PCDHGA11: variants seen among roughly 807,000 people sequenced by gnomAD.
The protein encoded by PCDHGA11 is protocadherin gamma subfamily A, 11.
Under a neutral mutation model 60.4 loss-of-function variants are expected in PCDHGA11, and 39 were observed. The ratio of observed to expected loss-of-function variants is 0.65; its 90% confidence interval spans 0.50 to 0.84. The LOEUF is 0.84. Among genes scored for constraint, PCDHGA11 ranks in the 40% least tolerant of loss-of-function variants. The pLI, the probability that PCDHGA11 is intolerant of heterozygous loss-of-function variation, is 0.00. For missense variants in PCDHGA11, 1,165 were observed against 1,197.7 expected (o/e 0.97, Z 0.40); for synonymous variants, 533 against 510.3 (o/e 1.04, Z -0.60).
chr5:141,430,885 C>G, intron 1 of PCDHGA11: 1 of 1,605,218 alleles, frequency 6.2e-7, no homozygotes, highest in Non-Finnish European at 8.5e-7. Context: ...TGGAGAAAGG[C>G]TCTAGGGTGG....
intron 1 of PCDHGA11, among the ~76,000 whole-genome samples, chr5:141,449,525 G>T (rs2098641561): frequency 6.7e-6 from 1 of 148,580 alleles, no homozygotes; most frequent in South Asian, 2.1e-4. Flanking sequence ...GGAGGCGGAG[G>T]TTGCAGTGAG....
At position 141,505,394 on chromosome 5, in the gene PCDHGA11, T is replaced by C; in HGVS notation, c.2494T>C (p.Ser832Pro). 6.2e-7 allele frequency: 1 copy of C among 1,614,110 alleles called. No homozygotes were observed. The highest frequency in any genetic ancestry group is 8.5e-7 in the Non-Finnish European group (1 of 1,180,002). The part of the protein sequence containing the change: ...SQAQRPGTSG[S>P]QNGDDTGTWP... ...CTCACCATCCTACTCTCTCCCCAGC[T>C]CCCAAAATGGCGATGACACCGGCAC... Residue 832 changes from serine (S) to proline (P), a missense_variant and splice_region_variant, in exon 3 of 4, where the codon TCC becomes CCC. By Grantham distance (74) the Ser-to-Pro change is moderately conservative. Coordinates refer to ENST00000398587, the MANE Select transcript of PCDHGA11 (RefSeq NM_018914.3).
chr5:141,423,389 A>G lies in PCDHGA11; in HGVS notation c.2162A>G (p.His721Arg), dbSNP rs568843632. 2.5e-6 allele frequency: 4 copies of G among 1,614,160 alleles called. No individual in the cohort carries two copies. The highest frequency in any genetic ancestry group is 1.7e-5 in the Admixed American group (1 of 60,032). Residue 721 changes from histidine to arginine, a missense_variant, in exon 1 of 4, where the codon CAT (histidine) becomes CGT (arginine). Coordinates refer to ENST00000398587, the MANE Select transcript of PCDHGA11 (RefSeq NM_018914.3). ...CTGGCACTCAGGCTGTGGCGCTGGC[A>G]TAAGTCACGCCTGCTGCAGGCTTCT... ...VLLALRLWRW[H>R]KSRLLQASEG... is the part of the protein sequence containing the mutation.
At position 141,476,789 on chromosome 5, in the gene PCDHGA11, T is replaced by C; in HGVS notation, c.2434-18018T>C. ...GTTGGACGGAGGGACCCCAGCTCTC[T>C]CCGCCAGCCTGCCTATTCACATCAA... On this transcript the variant is annotated intron_variant, in intron 1 of 3. Transcript: ENST00000398587. The surrounding 1 kb of genome is among the most constrained non-coding windows in gnomAD (Gnocchi z 7.6). 1.2e-6 allele frequency: 2 copies of C among 1,613,374 alleles called. No individual in the cohort carries two copies. The highest frequency in any genetic ancestry group is 4.5e-5 in the East Asian group (2 of 44,864).
intron 2 of PCDHGA11, among the ~76,000 whole-genome samples, chr5:141,496,125 T>C (rs1318749514): frequency 6.8e-6 from 1 of 146,032 alleles, no homozygotes; most frequent in Non-Finnish European, 1.5e-5. Context: ...TCCCTGCCCC[T>C]CACACACTGA....
In PCDHGA11 at chr5:141,512,243, C is replaced by T. The variant is rs1205585993; in HGVS notation, c.*1070C>T. ...AGGTCCCCTTGAGAGGTCAGAGGGG[C>T]CTCTGTGGGTGCTGGGTACTCCAGA... On this transcript the variant is annotated 3_prime_UTR_variant, in exon 4 of 4. Transcript: ENST00000398587. 2 of 152,728 alleles carry T rather than the reference C, an allele frequency of 1.3e-5. No homozygotes were observed. The highest frequency in any genetic ancestry group is 1.5e-5 in the Non-Finnish European group (1 of 68,138). 9.5% of individuals were successfully genotyped at this position (152,728 alleles called of 1,614,324 possible).
In PCDHGA11 at chr5:141,423,288, C is replaced by T; in HGVS notation, c.2061C>T (p.Thr687=). The change falls in exon 1 of 4, where the codon ACC becomes ACT. Residue 687 remains threonine (T), a synonymous_variant. Coordinates refer to ENST00000398587, the MANE Select transcript of PCDHGA11 (RefSeq NM_018914.3). ...GSLESLANSE[T]SDLSLYLVVA... is the part of the protein sequence containing the mutation. ...TCGAGTCTCTGGCTAACTCTGAAAC[C>T]TCAGACCTCTCGCTGTACTTGGTGG... 1 of 1,586,414 alleles carries T rather than the reference C, an allele frequency of 6.3e-7. No individual in the cohort carries two copies. Among genetic ancestry groups the T allele is most frequent in the African/African-American group, 1.3e-5 (1 of 74,864 alleles).
chr5:141,485,193 G>T lies in PCDHGA11; in HGVS notation c.2434-9614G>T. The T allele has an allele frequency of 6.2e-7, 1 of 1,613,988 alleles. No homozygotes were observed. Among genetic ancestry groups the T allele is most frequent in the Non-Finnish European group, 8.5e-7 (1 of 1,179,852 alleles). The stretch of plus-strand genomic sequence containing the variant: ...GCAGCAATGCTCCGCAAGGTGAGAA[G>T]CTGGACAGAAATCTGGCGGTGGGCT... On this transcript the variant is annotated intron_variant, in intron 1 of 3. Transcript: ENST00000398587. The surrounding 1 kb of genome is among the most constrained non-coding windows in gnomAD (Gnocchi z 5.7).
intron 1 of PCDHGA11, among the ~76,000 whole-genome samples, chr5:141,433,837 C>CA (rs56191208): frequency 0.14 from 15,134 of 111,544 alleles, 1,164 homozygotes; most frequent in African/African-American, 0.25. Context: ...AACTCTATCT[C>CA]AAAAAAAAAA....
Position 141,491,244 on chromosome 5 carries a change from T to A in PCDHGA11, c.2434-3563T>A. 1 of 1,614,210 alleles carries A rather than the reference T, an allele frequency of 6.2e-7. No individual in the cohort carries two copies. Among genetic ancestry groups the A allele is most frequent in the Non-Finnish European group, 8.5e-7 (1 of 1,180,024 alleles). On this transcript the variant is annotated intron_variant, in intron 1 of 3. Coordinates refer to ENST00000398587, the MANE Select transcript of PCDHGA11 (RefSeq NM_018914.3). This position sits in a 1 kb window ranked among gnomAD's most constrained non-coding sequence, Gnocchi z 6.9. ...CCACAGTGCTGCTGGTTCTGGAGGA[T>A]GAGGACCCTGAGGAAATGCCCAAAT...
chr5:141,470,123 C>T (rs368463710), intron 1 of PCDHGA11, among the ~76,000 whole-genome samples: 11 of 151,234 alleles, frequency 7.3e-5, no homozygotes, highest in Admixed American at 3.3e-4. Flanking sequence ...AGCAAGACTT[C>T]GTCTCAAAAA....
intron 1 of PCDHGA11, chr5:141,475,816 C>A (rs1051857446): frequency 1.5e-5 from 5 of 342,872 alleles, no homozygotes; most frequent in Admixed American, 9.0e-5. Context: ...AGTGAAGTTC[C>A]TGGCGCTAGC....
rs1303001624 is a variant in PCDHGA11, at chr5:141,422,464, A to G, written c.1237A>G (p.Arg413Gly). The G allele has an allele frequency of 6.2e-7, 1 of 1,613,502 alleles. No individual in the cohort carries two copies. Among genetic ancestry groups the G allele is most frequent in the Admixed American group, 1.7e-5 (1 of 59,908 alleles). The change falls in exon 1 of 4, where the codon AGG becomes GGG. Residue 413 changes from arginine to glycine, a missense_variant. Coordinates refer to ENST00000398587, the MANE Select transcript of PCDHGA11 (RefSeq NM_018914.3). ...YKLITSRVLDRELVQSYNITL... is the reference protein window; with the variant it reads ...YKLITSRVLDGELVQSYNITL... The stretch of plus-strand genomic sequence containing the variant: ...ATTGATAACAAGCAGAGTGCTGGAC[A>G]GGGAGTTGGTCCAGAGCTACAATAT...
In PCDHGA11 at chr5:141,493,026, C is replaced by T. The variant is rs73280358; in HGVS notation, c.2434-1781C>T. 6.6e-6 allele frequency among the ~76,000 whole-genome samples: 1 copy of T among 152,190 alleles called. No individual in the cohort carries two copies. The highest frequency in any genetic ancestry group is 1.5e-5 in the Non-Finnish European group (1 of 68,034). Reference sequence around the variant, plus strand: ...TAGGCTCTGCCAGATGCCAGGGTGCCCTTATGTGTGAGGAAACTACAATAG... The same window carrying T: ...TAGGCTCTGCCAGATGCCAGGGTGCTCTTATGTGTGAGGAAACTACAATAG... On this transcript the variant is annotated intron_variant, in intron 1 of 3. Coordinates refer to ENST00000398587, the MANE Select transcript of PCDHGA11 (RefSeq NM_018914.3). This position sits in a 1 kb window ranked among gnomAD's most constrained non-coding sequence, Gnocchi z 4.3.
At position 141,476,124 on chromosome 5, in the gene PCDHGA11, C is replaced by T. The variant is rs1187643558; in HGVS notation, c.2434-18683C>T. 4 of 1,603,236 alleles carry T rather than the reference C, an allele frequency of 2.5e-6. No homozygotes were observed. Among genetic ancestry groups the T allele is most frequent in the Non-Finnish European group, 3.4e-6 (4 of 1,176,388 alleles). ...GAACTGCTTTTGAGTGAGATGGTCCCAGAGGCCTGGAGGAGCGGACTGGTA... is the reference window on the plus strand; with the variant it reads ...GAACTGCTTTTGAGTGAGATGGTCCTAGAGGCCTGGAGGAGCGGACTGGTA... On this transcript the variant is annotated intron_variant, in intron 1 of 3. Transcript: ENST00000398587. This position sits in a 1 kb window ranked among gnomAD's most constrained non-coding sequence, Gnocchi z 7.6.
In PCDHGA11 at chr5:141,432,704, C is replaced by T; in HGVS notation, c.2433+9044C>T. ...GAGCCTCGTAGTGGCCGTCCAGGAC[C>T]ACGGCCAGCCCCCTCTCTCCGCCAC... is the stretch of plus-strand genomic sequence containing the variant. On this transcript the variant is annotated intron_variant, in intron 1 of 3. Coordinates refer to ENST00000398587, the MANE Select transcript of PCDHGA11 (RefSeq NM_018914.3). The surrounding 1 kb of genome is among the most constrained non-coding windows in gnomAD (Gnocchi z 6.0). The T allele has an allele frequency of 6.2e-7, 1 of 1,613,966 alleles. No homozygotes were observed. The highest frequency in any genetic ancestry group is 8.5e-7 in the Non-Finnish European group (1 of 1,179,976).
intron 1 of PCDHGA11, among the ~76,000 whole-genome samples, chr5:141,435,219 C>A (rs1226171884): frequency 6.6e-6 from 1 of 152,118 alleles, no homozygotes; most frequent in Non-Finnish European, 1.5e-5. Flanking sequence ...AATTTACTTT[C>A]TTTCAAAGTT....
chr5:141,423,438 C>T lies in PCDHGA11; in HGVS notation c.2211C>T (p.Pro737=), dbSNP rs2096741369. 5 of 1,613,942 alleles carry T rather than the reference C, an allele frequency of 3.1e-6. No homozygotes were observed. In the East Asian group the frequency reaches 8.9e-5, roughly 29 times the overall value. Residue 737 remains proline (P), a synonymous_variant, in exon 1 of 4, where the codon CCC becomes CCT. Transcript: ENST00000398587. Reference sequence around the variant, plus strand: ...CTGAAGGCGGGTTGGCAGGTATGCCCACGTCACATTTTGTAGGCGTGGACG... The same window carrying T: ...CTGAAGGCGGGTTGGCAGGTATGCCTACGTCACATTTTGTAGGCGTGGACG... ...QASEGGLAGM[P]TSHFVGVDGV...
At position 141,501,332 on chromosome 5, in the gene PCDHGA11, CA is replaced by C. The variant is rs1257793029; in HGVS notation, c.2493-4060del. 1.8e-3 allele frequency among the ~76,000 whole-genome samples: 265 copies of C among 149,784 alleles called. 1 individual carries two copies. The highest frequency in any genetic ancestry group is 5.2e-3 in the African/African-American group (209 of 40,512). On this transcript the variant is annotated intron_variant, in intron 2 of 3. Transcript: ENST00000398587. Reference sequence around the variant, plus strand: ...ACACACACACACACACACACACACACACCCCAAACTCAATAGGGCAAGAACC... The same window carrying C: ...ACACACACACACACACACACACACACCCCCAAACTCAATAGGGCAAGAACC...
Sources: gnomAD v4.1 joint callset for allele counts (sites outside exome capture counted in the v4.1 genomes callset) on GRCh38, gnomAD v4.1.1 for gene constraint, Gnocchi (gnomAD v3.1) non-coding constraint, MANE v1.5 for transcripts, NCBI Gene and HGNC (gene_info 2026-07-23, HGNC 2026-07-21) for gene names.